The following NFIB variants were observed in gnomAD, a reference collection of about 807,000 sequenced individuals.
NFIB encodes the protein nuclear factor 1 B-type.
In NFIB, 11 loss-of-function variants were observed where a neutral mutation model predicts 61.5. The ratio of observed to expected loss-of-function variants is 0.18; its 90% confidence interval spans 0.11 to 0.30. The LOEUF (loss-of-function observed/expected upper bound fraction) is 0.30. Ranked by LOEUF, NFIB falls within the 10% of genes least tolerant of loss-of-function variation. NFIB has a pLI of 1.00. For missense variants in NFIB, 471 were observed against 608.9 expected, an observed-to-expected ratio of 0.77 and a Z score of 2.38; for synonymous variants, 260 against 216.5, an observed-to-expected ratio of 1.20 and a Z score of -1.76.
chr9:14,492,926 C>T, the NFIB span, among the ~76,000 whole-genome samples: 1 of 152,214 alleles, frequency 6.6e-6, no homozygotes, highest in Non-Finnish European at 1.5e-5. Context: ...GCTGGGTAAA[C>T]TAACCTCTCT....
chr9:14,184,050 T>C (rs2047085296), intron 2 of NFIB, among the ~76,000 whole-genome samples: 1 of 152,036 alleles, frequency 6.6e-6, no homozygotes, highest in Non-Finnish European at 1.5e-5. Context: ...TTTCGTCCAC[T>C]CCTTTTTTAA....
intron 2 of NFIB, among the ~76,000 whole-genome samples, chr9:14,257,503 G>A (rs1475744123): frequency 5.9e-5 from 9 of 152,110 alleles, no homozygotes; most frequent in Non-Finnish European, 1.0e-4. Flanking sequence ...CACCTGTAAT[G>A]CCAGCACTTT....
At chr9:14,324,179 C>G (rs2060724845) in intron 1 of NFIB, among the ~76,000 whole-genome samples, 1 of 152,136 alleles carries the variant, frequency 6.6e-6, no homozygotes, top group Non-Finnish European at 1.5e-5. Context: ...ATAGCTATAA[C>G]TCAGTCTCCC....
At chr9:14,482,488 A>G in the NFIB span, among the ~76,000 whole-genome samples, 1 of 152,204 alleles carries the variant, frequency 6.6e-6, no homozygotes, top group African/African-American at 2.4e-5. Context: ...ATGAATCAGG[A>G]GTGAACAGTT....
At chr9:14,379,286 C>G (rs1203238117) in intron 1 of NFIB, among the ~76,000 whole-genome samples, 1 of 152,152 alleles carries the variant, frequency 6.6e-6, no homozygotes, top group Non-Finnish European at 1.5e-5. Flanking sequence ...CTTGACTGAG[C>G]AGGAGTGGGA....
chr9:14,240,970 C>G (rs979585787), intron 2 of NFIB, among the ~76,000 whole-genome samples: 1 of 152,214 alleles, frequency 6.6e-6, no homozygotes, highest in Non-Finnish European at 1.5e-5. Context: ...ATTTGCATAT[C>G]AAGTTGAGCA....
chr9:14,138,698 T>C (rs2041346102), intron 6 of NFIB, among the ~76,000 whole-genome samples: 1 of 152,174 alleles, frequency 6.6e-6, no homozygotes, highest in African/African-American at 2.4e-5. Context: ...GTTGAAGCTG[T>C]GTGACAGTAC....
chr9:14,132,594 AC>A (rs1172376723), intron 6 of NFIB, among the ~76,000 whole-genome samples: 1 of 151,956 alleles, frequency 6.6e-6, no homozygotes, highest in Non-Finnish European at 1.5e-5. Context: ...TATTTTAGAG[AC>A]AAGGTCTCAC....
chr9:14,151,830 A>T (rs567749458), intron 4 of NFIB, among the ~76,000 whole-genome samples: 14 of 152,124 alleles, frequency 9.2e-5, no homozygotes, highest in African/African-American at 3.1e-4. Context: ...GGGCTTTGCA[A>T]CAAAATTCTA....
chr9:14,336,882 C>T (rs921551828), intron 1 of NFIB, among the ~76,000 whole-genome samples: 1 of 152,110 alleles, frequency 6.6e-6, no homozygotes, highest in African/African-American at 2.4e-5. Context: ...ATACACTCTC[C>T]GTCACAACTA....
At chr9:14,193,760 A>G (rs1473106501) in intron 2 of NFIB, among the ~76,000 whole-genome samples, 1 of 152,222 alleles carries the variant, frequency 6.6e-6, no homozygotes, top group Non-Finnish European at 1.5e-5. Context: ...AAACAGTACC[A>G]ATATACTTAA....
the NFIB span, among the ~76,000 whole-genome samples, chr9:14,508,294 A>T: frequency 6.6e-6 from 1 of 152,138 alleles, no homozygotes; most frequent in Non-Finnish European, 1.5e-5. Context: ...CAGGAGCAGC[A>T]GTTGAGTGTA....
chr9:14,238,213 G>A (rs1038198846), intron 2 of NFIB, among the ~76,000 whole-genome samples: 1 of 151,992 alleles, frequency 6.6e-6, no homozygotes, highest in African/African-American at 2.4e-5. Context: ...AGAGCAAAGT[G>A]CCTGAGGCTC....
chr9:14,130,955 G>C (rs1019833809), intron 6 of NFIB, among the ~76,000 whole-genome samples: 2 of 152,148 alleles, frequency 1.3e-5, no homozygotes, highest in African/African-American at 4.8e-5. Context: ...TATGCATCAA[G>C]ATGCCAAACA....
chr9:14,235,257 G>C lies in NFIB; in HGVS notation c.563-55477C>G, dbSNP rs80331420. Among the ~76,000 whole-genome samples, 238 of 152,266 alleles carry C rather than the reference G, an allele frequency of 1.6e-3. 3 individuals carry two copies. Among genetic ancestry groups the C allele is most frequent in the African/African-American group, 5.5e-3 (228 of 41,562 alleles). On this transcript the variant is annotated intron_variant, in intron 2 of 10. Coordinates refer to ENST00000380953, the MANE Select transcript of NFIB (RefSeq NM_001190737.2). Reference sequence around the variant, plus strand: ...TGATAAAGGCGATCTGATGTTCAAAGGACATCATTTAAAACTTGGGAGGCA... The same window carrying C: ...TGATAAAGGCGATCTGATGTTCAAACGACATCATTTAAAACTTGGGAGGCA...
At chr9:14,154,857 C>G (rs750897445) in intron 4 of NFIB, among the ~76,000 whole-genome samples, 74 of 152,254 alleles carry the variant, frequency 4.9e-4, no homozygotes, top group Admixed American at 9.2e-4. Context: ...TACTGAACAA[C>G]AAGACTCTAA....
At chr9:14,281,015 C>T (rs529619707) in intron 2 of NFIB, among the ~76,000 whole-genome samples, 8 of 152,052 alleles carry the variant, frequency 5.3e-5, no homozygotes, top group South Asian at 2.1e-4. Flanking sequence ...ACAATATGTA[C>T]GGTGAGCCAA....
chr9:14,364,887 T>C (rs748742874), intron 1 of NFIB, among the ~76,000 whole-genome samples: 6 of 152,150 alleles, frequency 3.9e-5, no homozygotes, highest in Non-Finnish European at 8.8e-5. Context: ...GAGAGGGTAA[T>C]GGAGGAACAA....
At chr9:14,373,422 A>G (rs1332562622) in intron 1 of NFIB, among the ~76,000 whole-genome samples, 1 of 152,164 alleles carries the variant, frequency 6.6e-6, no homozygotes, top group Non-Finnish European at 1.5e-5. Context: ...GACCAGTGGT[A>G]TATTTATGAT....
Sources: allele counts gnomAD v4.1 joint callset (sites outside exome capture counted in the v4.1 genomes callset), GRCh38; gene constraint gnomAD v4.1.1; transcripts MANE v1.5; gene names NCBI Gene and HGNC (gene_info 2026-07-23, HGNC 2026-07-21).